Variants in ARAP1 observed in about 807,000 individuals in gnomAD.
The protein encoded by ARAP1 is arf-GAP with Rho-GAP domain, ANK repeat and PH domain-containing protein 1.
In ARAP1, 76 loss-of-function variants were observed where a neutral mutation model predicts 172.2. The observed-to-expected ratio is 0.44, with a 90% CI of 0.37 to 0.53. The LOEUF (loss-of-function observed/expected upper bound fraction) is 0.53, where lower values mean the gene tolerates loss of function less well. Among genes scored for constraint, ARAP1 ranks in the 20% least tolerant of loss-of-function variants. ARAP1 has a pLI of 0.00. For missense variants in ARAP1, 1,686 were observed against 1,977.5 expected (o/e 0.85, Z 2.80); for synonymous variants, 804 against 803.3 (o/e 1.00, Z -0.01).
At position 72,726,821 on chromosome 11, in the gene ARAP1, G is replaced by T. The variant is rs1857707424; in HGVS notation, c.308C>A (p.Pro103His). 1.3e-6 allele frequency: 2 copies of T among 1,566,258 alleles called. No homozygotes were observed. Among genetic ancestry groups the T allele is most frequent in the Non-Finnish European group, 1.7e-6 (2 of 1,155,360 alleles). Residue 103 changes from proline to histidine, a missense_variant, in exon 3 of 35, where the codon CCC becomes CAC. Pro to His is a moderately conservative substitution (Grantham distance 77). Coordinates refer to ENST00000393609, the MANE Select transcript of ARAP1 (RefSeq NM_001040118.3). The surrounding 1 kb of genome is among the most constrained non-coding windows in gnomAD (Gnocchi z 6.5). ...GAGCCCCTCATCCTCTGTAGTGGTG[G>T]GCAGCGGCTCGGGTGGAGTGGCAGG... is the stretch of plus-strand genomic sequence containing the variant. ...PVPATPPEPL[P>H]TTTEDEGLPA...
rs905458419 is a variant in ARAP1 at position 72,688,396 on chromosome 11, A to C, written c.4070+59T>G. 3.3e-6 allele frequency: 5 copies of C among 1,495,704 alleles called. No individual in the cohort carries two copies. In the Admixed American group the frequency reaches 9.3e-5, roughly 28 times the overall value. The allele number at this position is 1,495,704 out of a possible 1,614,324, so 92.7% of individuals were successfully genotyped here. ...TAAAAACCCCAGCTGTGCCTCCCCC[A>C]TCAGTTCTGAGCCCCCATAAGCCCC... is the stretch of plus-strand genomic sequence containing the variant. On this transcript the variant is annotated intron_variant, in intron 31 of 34. Coordinates refer to ENST00000393609, the MANE Select transcript of ARAP1 (RefSeq NM_001040118.3).
intron 2 of ARAP1, among the ~76,000 whole-genome samples, chr11:72,729,223 A>G (rs1003678934): frequency 8.5e-5 from 13 of 152,204 alleles, no homozygotes; most frequent in African/African-American, 3.1e-4. Context: ...AGTGCTCTCA[A>G]AAAAAACTAA....
At chr11:72,714,826 G>T (rs868140581) in intron 3 of ARAP1, among the ~76,000 whole-genome samples, 1 of 152,138 alleles carries the variant, frequency 6.6e-6, no homozygotes, top group South Asian at 2.1e-4. Context: ...CTCTTGCCCA[G>T]ATTTGGATAT....
chr11:72,751,436 C>A (rs1306829512), intron 1 of ARAP1, among the ~76,000 whole-genome samples: 1 of 152,128 alleles, frequency 6.6e-6, no homozygotes, highest in African/African-American at 2.4e-5. Flanking sequence ...GTCTTCAAGG[C>A]TCTGCTGGGC....
chr11:72,729,831 C>T (rs1295800934), intron 2 of ARAP1, among the ~76,000 whole-genome samples: 3 of 150,828 alleles, frequency 2.0e-5, no homozygotes, highest in African/African-American at 7.3e-5. Context: ...GGGAGAATTG[C>T]TTGAGCCTAG....
chr11:72,686,316 C>A lies in ARAP1; in HGVS notation c.4186-125G>T, dbSNP rs928831041. ...CTGAGATGACACCCTCAGCTTTGAT[C>A]CCCGCCGATATGAGAAGCAGCTGTG... is the stretch of plus-strand genomic sequence containing the variant. On this transcript the variant is annotated intron_variant, in intron 33 of 34. Transcript: ENST00000393609. 1.9e-5 allele frequency: 24 copies of A among 1,282,924 alleles called. No homozygotes were observed. In the African/African-American group the frequency reaches 3.4e-4, roughly 18 times the overall value. 79.5% of individuals were successfully genotyped at this position (1,282,924 alleles called of 1,614,324 possible).
At chr11:72,727,862 C>A (rs1400016635) in intron 2 of ARAP1, among the ~76,000 whole-genome samples, 1 of 152,200 alleles carries the variant, frequency 6.6e-6, no homozygotes, top group Non-Finnish European at 1.5e-5. Flanking sequence ...CAGGCTCTAC[C>A]CCTGCACCCT....
intron 29 of ARAP1, 151 bp from the exon 30 acceptor site, chr11:72,692,936 G>T: frequency 9.8e-7 from 1 of 1,021,242 alleles, no homozygotes; most frequent in Non-Finnish European, 1.5e-6. Flanking sequence ...GAGAACACCT[G>T]CATGTGGACA....
At chr11:72,703,420 G>GCGGGGT (rs1856602361) in intron 14 of ARAP1, 1 of 171,572 alleles carries the variant, frequency 5.8e-6, no homozygotes, top group South Asian at 1.7e-4. Context: ...GGGGGGGGGT[G>GCGGGGT]TGCTTTGTAG....
chr11:72,712,166 G>A lies in ARAP1; in HGVS notation c.1022+30C>T, dbSNP rs772833736. On this transcript the variant is annotated intron_variant, in intron 7 of 34. Transcript: ENST00000393609. ...ACTGCCCCCCACCCCCCCATGCAGA[G>A]CACAGCAGGACCCAAGAGGCCTCAC... is the stretch of plus-strand genomic sequence containing the variant. 3 of 1,557,736 alleles carry A rather than the reference G, an allele frequency of 1.9e-6. No homozygotes were observed. In the Admixed American group the frequency reaches 5.5e-5, roughly 29 times the overall value.
chr11:72,693,941 C>A lies in ARAP1; in HGVS notation c.3695-136G>T. 4 of 667,776 alleles carry A rather than the reference C, an allele frequency of 6.0e-6. No individual in the cohort carries two copies. The South Asian group carries it at 7.7e-5, about 13-fold the overall frequency. The allele number at this position is 667,776 out of a possible 1,614,324, so 41.4% of individuals were successfully genotyped here. On this transcript the variant is annotated intron_variant, in intron 27 of 34. Transcript: ENST00000393609. This position sits in a 1 kb window ranked among gnomAD's most constrained non-coding sequence, Gnocchi z 4.6. ...CAAGTGCCACGACACAAAACACCACCATCATGACCACCCTTCCCATGACCA... is the reference window on the plus strand; with the variant it reads ...CAAGTGCCACGACACAAAACACCACAATCATGACCACCCTTCCCATGACCA...
At chr11:72,696,794 G>A in intron 22 of ARAP1, 140 bp from the exon 23 acceptor site, 1 of 938,896 alleles carries the variant, frequency 1.1e-6, no homozygotes, top group Non-Finnish European at 1.6e-6. Flanking sequence ...ATTCAACCAG[G>A]GTAAGGAACT....
intron 1 of ARAP1, among the ~76,000 whole-genome samples, chr11:72,745,735 T>G (rs1038087298): frequency 1.7e-4 from 26 of 152,110 alleles, no homozygotes; most frequent in Admixed American, 1.2e-3. Flanking sequence ...ACCTGTGTCA[T>G]GTCTCAAAGG....
chr11:72,709,834 T>G, intron 11 of ARAP1, 36 bp downstream of exon 11: 1 of 1,596,954 alleles, frequency 6.3e-7, no homozygotes, highest in South Asian at 1.1e-5. Context: ...TAGGAAGGAG[T>G]GAGGATGCCG....
intron 15 of ARAP1, 140 bp from the exon 16 acceptor site, chr11:72,701,923 C>A: frequency 9.0e-7 from 1 of 1,111,158 alleles, no homozygotes; most frequent in Non-Finnish European, 1.3e-6. Flanking sequence ...TCAAGCTCCC[C>A]CTCCTACCTG....
intron 33 of ARAP1, 92 bp downstream of exon 33, chr11:72,687,347 G>T: frequency 6.8e-7 from 1 of 1,478,710 alleles, no homozygotes; most frequent in Non-Finnish European, 9.4e-7. Context: ...GAAGCAAGGG[G>T]TGGGTTGAAT....
At chr11:72,743,321 C>T (rs762710186) in intron 1 of ARAP1, among the ~76,000 whole-genome samples, 11 of 152,248 alleles carry the variant, frequency 7.2e-5, no homozygotes, top group Non-Finnish European at 1.5e-4. Context: ...TATGTGGCAC[C>T]TTCCAGTGTT....
rs148337496 is a variant in ARAP1 at position 72,727,358 on chromosome 11, G to A, written c.-44-186C>T. On this transcript the variant is annotated intron_variant, in intron 2 of 34. Coordinates refer to ENST00000393609, the MANE Select transcript of ARAP1 (RefSeq NM_001040118.3). The stretch of plus-strand genomic sequence containing the variant: ...TCTGAACACACAGGCTCTTCTCTCC[G>A]CCTGAACCCCCTCACCCCTTCCCTT... Among the ~76,000 whole-genome samples the A allele has an allele frequency of 5.3e-5, 8 of 152,220 alleles. No individual in the cohort carries two copies. In the East Asian group the frequency reaches 1.4e-3, roughly 26 times the overall value.
intron 3 of ARAP1, among the ~76,000 whole-genome samples, chr11:72,723,376 T>C (rs1857588402): frequency 6.6e-6 from 1 of 151,538 alleles, no homozygotes; most frequent in Non-Finnish European, 1.5e-5. Flanking sequence ...TGATGTAGAG[T>C]CCCCCTAGGC....
Sources: allele counts gnomAD v4.1 joint callset (sites outside exome capture counted in the v4.1 genomes callset), GRCh38; gene constraint gnomAD v4.1.1; non-coding constraint Gnocchi (gnomAD v3.1); transcripts MANE v1.5; gene names NCBI Gene and HGNC (gene_info 2026-07-23, HGNC 2026-07-21).